RUFY3: variants seen among roughly 807,000 people sequenced by gnomAD.
RUFY3 encodes protein RUFY3.
A neutral mutation model predicts 84.0 loss-of-function variants in RUFY3; 34 were observed. The ratio of observed to expected loss-of-function variants is 0.40; its 90% confidence interval spans 0.31 to 0.54. The LOEUF is 0.54. Ranked by LOEUF, RUFY3 falls within the 20% of genes least tolerant of loss-of-function variation. The probability of loss-of-function intolerance (pLI) is 0.39; values close to 1 mark genes in which losing one functional copy is unlikely to be tolerated. For synonymous variants in RUFY3, 242 were observed against 252.9 expected, an observed-to-expected ratio of 0.96 and a Z score of 0.41; for missense variants, 507 against 736.8, an observed-to-expected ratio of 0.69 and a Z score of 3.61.
chr4:70,788,101 T>A (rs1424810938), intron 10 of RUFY3, among the ~76,000 whole-genome samples: 1 of 151,694 alleles, frequency 6.6e-6, no homozygotes. Flanking sequence ...CTGGTCAACA[T>A]GGTGAAACCC....
At position 70,768,751 on chromosome 4, in the gene RUFY3, G is replaced by T. The variant is rs1578148481; in HGVS notation, c.696+90G>T. 2.5e-6 allele frequency: 3 copies of T among 1,208,840 alleles called. No individual in the cohort carries two copies. In the African/African-American group the frequency reaches 4.6e-5, roughly 18 times the overall value. 74.9% of individuals were successfully genotyped at this position (1,208,840 alleles called of 1,614,324 possible). On this transcript the variant is annotated intron_variant, in intron 5 of 17. Transcript: ENST00000381006. Reference sequence around the variant, plus strand: ...GATTAGGTTATACCAACCAAATTAGGCCATATTCTATGAGTCATAAACAGG... The same window carrying T: ...GATTAGGTTATACCAACCAAATTAGTCCATATTCTATGAGTCATAAACAGG...
In RUFY3 at chr4:70,758,939, G is replaced by A. The variant is rs113027776; in HGVS notation, c.179-3580G>A. On this transcript the variant is annotated intron_variant, in intron 1 of 17. Coordinates refer to ENST00000381006, the MANE Select transcript of RUFY3 (RefSeq NM_001037442.4). ...TGTAGTCCCAGCTACTCGGGAGGCC[G>A]AGGCAGGAGAATGACATGAACCCGG... Among the ~76,000 whole-genome samples the A allele has an allele frequency of 5.7e-3, 863 of 152,096 alleles. 14 individuals carry two copies. Among genetic ancestry groups the A allele is most frequent in the African/African-American group, 0.02 (837 of 41,492 alleles).
At chr4:70,723,635 T>C (rs559256934) in intron 1 of RUFY3, among the ~76,000 whole-genome samples, 4 of 152,332 alleles carry the variant, frequency 2.6e-5, no homozygotes, top group Admixed American at 2.6e-4. Context: ...CAAATCGTTT[T>C]GTTTTTAATA....
chr4:70,791,668 G>T, intron 12 of RUFY3: 1 of 1,028,546 alleles, frequency 9.7e-7, no homozygotes. Flanking sequence ...CAGATTCTCG[G>T]TGCATTGTTC....
intron 12 of RUFY3, 26 bp downstream of exon 12, chr4:70,789,618 A>G (rs1428916100): frequency 1.9e-6 from 3 of 1,607,508 alleles, no homozygotes; most frequent in Non-Finnish European, 2.5e-6. Context: ...CTTTAATGAA[A>G]CACTTTGGAT....
chr4:70,757,918 C>T (rs570774628), intron 1 of RUFY3, among the ~76,000 whole-genome samples: 14 of 152,258 alleles, frequency 9.2e-5, no homozygotes, highest in Admixed American at 8.5e-4. Context: ...GTGTTGTGAA[C>T]ATTTTAAAAT....
At chr4:70,733,073 A>AAGAGAG (rs1223448881) in intron 1 of RUFY3, among the ~76,000 whole-genome samples, 1 of 112,410 alleles carries the variant, frequency 8.9e-6, no homozygotes, top group African/African-American at 4.0e-5. Context: ...TTTCAAAAGA[A>AAGAGAG]AGAGAGAGAG....
At chr4:70,705,757 G>A (rs1251050673) in intron 1 of RUFY3, among the ~76,000 whole-genome samples, 1 of 152,098 alleles carries the variant, frequency 6.6e-6, no homozygotes, top group Non-Finnish European at 1.5e-5. Flanking sequence ...TCGGGCTCCC[G>A]GCGCCGCGGC....
intron 1 of RUFY3, among the ~76,000 whole-genome samples, chr4:70,743,146 G>A (rs976319174): frequency 6.6e-6 from 1 of 152,044 alleles, no homozygotes; most frequent in Non-Finnish European, 1.5e-5. Context: ...TCATCTCACT[G>A]CAACTTCTGC....
intron 10 of RUFY3, among the ~76,000 whole-genome samples, chr4:70,787,187 AATATATATAT>A (rs1202870337): frequency 3.7e-5 from 3 of 81,472 alleles, no homozygotes; most frequent in East Asian, 8.4e-4. Context: ...AAAAAAAAAA[AATATATATAT>A]ATATATATAT....
chr4:70,801,328 G>C (rs1732206825), intron 15 of RUFY3, among the ~76,000 whole-genome samples: 1 of 152,190 alleles, frequency 6.6e-6, no homozygotes, highest in African/African-American at 2.4e-5. Flanking sequence ...ACACCACCAA[G>C]AGTGAACCTT....
chr4:70,759,356 T>TGTGTGTG lies in RUFY3; in HGVS notation c.179-3163_179-3162insGTGTGTG, dbSNP rs58429331. On this transcript the variant is annotated intron_variant, in intron 1 of 17. Coordinates refer to ENST00000381006, the MANE Select transcript of RUFY3 (RefSeq NM_001037442.4). ...GATTTCATTCTTTTTATGGCTGAAT[T>TGTGTGTG]TGTGTGTGTGTGTGTATGTGTGTGT... Among the ~76,000 whole-genome samples, 438 of 119,976 alleles carry TGTGTGTG rather than the reference T, an allele frequency of 3.7e-3. 3 individuals carry two copies. Among genetic ancestry groups the TGTGTGTG allele is most frequent in the Non-Finnish European group, 4.4e-3 (263 of 59,622 alleles). The allele number at this position is 119,976 out of a possible 152,430, so 78.7% of individuals were successfully genotyped here. A position where few individuals can be genotyped will look rare whatever the true frequency, so the allele number is the denominator to read the frequency against.
intron 4 of RUFY3, among the ~76,000 whole-genome samples, chr4:70,767,231 G>A (rs1175202371): frequency 2.0e-5 from 3 of 148,834 alleles, no homozygotes; most frequent in South Asian, 2.1e-4. Context: ...GATTACAGGC[G>A]TGTGCCACCA....
At chr4:70,736,319 A>G (rs571963164) in intron 1 of RUFY3, among the ~76,000 whole-genome samples, 1 of 152,208 alleles carries the variant, frequency 6.6e-6, no homozygotes, top group Non-Finnish European at 1.5e-5. Context: ...GAATGCACCT[A>G]CATTTCAAAT....
At chr4:70,764,399 T>G (rs1345467296) in intron 3 of RUFY3, 76 bp from the exon 4 acceptor site, 1 of 984,444 alleles carries the variant, frequency 1.0e-6, no homozygotes, top group Non-Finnish European at 1.6e-6. Flanking sequence ...TTAGCAAGAA[T>G]AAGTGAACTG....
chr4:70,793,756 T>G, intron 12 of RUFY3, 29 bp from the exon 13 acceptor site: 1 of 1,613,736 alleles, frequency 6.2e-7, no homozygotes, highest in East Asian at 2.2e-5. Flanking sequence ...TTTTGTTTTT[T>G]ATCACAAGTT....
chr4:70,736,465 T>C (rs1334137586), intron 1 of RUFY3, among the ~76,000 whole-genome samples: 2 of 152,236 alleles, frequency 1.3e-5, no homozygotes. Context: ...ACCTGTGCTG[T>C]GTGACCTGCC....
At chr4:70,755,913 T>C (rs1382184996) in intron 1 of RUFY3, among the ~76,000 whole-genome samples, 2 of 150,746 alleles carry the variant, frequency 1.3e-5, no homozygotes. Flanking sequence ...ATCACGCCTC[T>C]GCACTCCATC....
At position 70,758,739 on chromosome 4, in the gene RUFY3, T is replaced by TA. The variant is rs111462846; in HGVS notation, c.179-3767dup. Among the ~76,000 whole-genome samples the TA allele has an allele frequency of 7.8e-3, 1,133 of 144,924 alleles. 18 individuals carry two copies. Among genetic ancestry groups the TA allele is most frequent in the African/African-American group, 0.022 (883 of 39,786 alleles). On this transcript the variant is annotated intron_variant, in intron 1 of 17. Coordinates refer to ENST00000381006, the MANE Select transcript of RUFY3 (RefSeq NM_001037442.4). Reference sequence around the variant, plus strand: ...CCTCTCTTCTAGCTATTTGAAAATATAAAAAAAAAAAAATTATTGCCAGGC... The same window carrying TA: ...CCTCTCTTCTAGCTATTTGAAAATATAAAAAAAAAAAAAATTATTGCCAGGC...
Sources: allele counts gnomAD v4.1 joint callset (sites outside exome capture counted in the v4.1 genomes callset), GRCh38; gene constraint gnomAD v4.1.1; transcripts MANE v1.5; gene names NCBI Gene and HGNC (gene_info 2026-07-23, HGNC 2026-07-21).